UBE3D: variants seen among roughly 807,000 people sequenced by gnomAD.
The protein encoded by UBE3D is E3 ubiquitin-protein ligase E3D.
A neutral mutation model predicts 49.6 loss-of-function variants in UBE3D; 48 were observed. The observed-to-expected ratio is 0.97, with a 90% CI of 0.77 to 1.23. The LOEUF is 1.23. UBE3D is among the 50% of genes most tolerant of loss of function. The pLI, the probability that UBE3D is intolerant of heterozygous loss-of-function variation, is 0.00. For synonymous variants in UBE3D, 189 were observed against 174.2 expected, an observed-to-expected ratio of 1.08 and a Z score of -0.67; for missense variants, 452 against 468.4, an observed-to-expected ratio of 0.96 and a Z score of 0.32.
chr6:83,013,070 A>G (rs1262464581), intron 8 of UBE3D, among the ~76,000 whole-genome samples: 1 of 152,166 alleles, frequency 6.6e-6, no homozygotes, highest in Admixed American at 6.5e-5. Context: ...CCACTTCCTC[A>G]TGTAACTTAC....
chr6:83,033,325 T>C (rs1319355793), intron 5 of UBE3D, among the ~76,000 whole-genome samples: 1 of 152,190 alleles, frequency 6.6e-6, no homozygotes, highest in Admixed American at 6.5e-5. Context: ...CATTTTATTA[T>C]TGTAAATTGG....
intron 8 of UBE3D, among the ~76,000 whole-genome samples, chr6:82,978,333 T>C (rs1777876497): frequency 6.6e-6 from 1 of 152,168 alleles, no homozygotes; most frequent in African/African-American, 2.4e-5. Context: ...TATTCTATTA[T>C]CATAATGTCA....
At chr6:83,004,737 A>G (rs550686799) in intron 8 of UBE3D, among the ~76,000 whole-genome samples, 3 of 152,350 alleles carry the variant, frequency 2.0e-5, no homozygotes, top group South Asian at 4.1e-4. Context: ...ACTATTAAAT[A>G]ATAGTCTTAG....
intron 5 of UBE3D, among the ~76,000 whole-genome samples, chr6:83,027,096 TG>T (rs1781514833): frequency 6.6e-6 from 1 of 152,032 alleles, no homozygotes; most frequent in African/African-American, 2.4e-5. Context: ...ATCTTCTATG[TG>T]GGATCATTTT....
chr6:83,065,309 G>A (rs1346267462), intron 1 of UBE3D, among the ~76,000 whole-genome samples: 1 of 152,162 alleles, frequency 6.6e-6, no homozygotes, highest in Non-Finnish European at 1.5e-5. Context: ...GCCGGGCACT[G>A]CCAACAGTGT....
intron 1 of UBE3D, among the ~76,000 whole-genome samples, chr6:83,059,689 G>A (rs1784042219): frequency 1.3e-5 from 2 of 152,132 alleles, no homozygotes; most frequent in Non-Finnish European, 2.9e-5. Flanking sequence ...AAGCATCATT[G>A]CAAGGGTGGT....
intron 8 of UBE3D, among the ~76,000 whole-genome samples, chr6:82,996,991 G>A (rs1779287696): frequency 6.6e-6 from 1 of 151,688 alleles, no homozygotes; most frequent in Non-Finnish European, 1.5e-5. Flanking sequence ...TGACAAAGAT[G>A]TCATGATAAT....
rs1780892631 is a variant in UBE3D at position 83,019,034 on chromosome 6, T to C, written c.949A>G (p.Ser317Gly). 1.2e-6 allele frequency: 2 copies of C among 1,613,952 alleles called. No individual in the cohort carries two copies. Among genetic ancestry groups the C allele is most frequent in the Non-Finnish European group, 1.7e-6 (2 of 1,179,906 alleles). ...LLENTFKADS[S>G]SAWSAVKVLY... ...ACCTTGACAGCACTCCAGGCAGAACTAGAATCGGCTTTGAATGTGTTTTCC... is the reference window on the plus strand; with the variant it reads ...ACCTTGACAGCACTCCAGGCAGAACCAGAATCGGCTTTGAATGTGTTTTCC... Residue 317 changes from serine (S) to glycine (G), a missense_variant, in exon 8 of 10, where the codon AGT becomes GGT. Transcript: ENST00000369747.
At chr6:82,907,680 C>T (rs1229719083) in intron 9 of UBE3D, among the ~76,000 whole-genome samples, 1 of 152,210 alleles carries the variant, frequency 6.6e-6, no homozygotes, top group East Asian at 1.9e-4. Flanking sequence ...AGATTGGCAT[C>T]ACCAAATGAT....
At chr6:83,014,287 T>G (rs970119671) in intron 8 of UBE3D, among the ~76,000 whole-genome samples, 1 of 152,190 alleles carries the variant, frequency 6.6e-6, no homozygotes, top group Non-Finnish European at 1.5e-5. Flanking sequence ...TGGCACTAAT[T>G]TCAGCAGTCC....
At chr6:83,060,567 C>A (rs1205384720) in intron 1 of UBE3D, among the ~76,000 whole-genome samples, 1 of 152,178 alleles carries the variant, frequency 6.6e-6, no homozygotes, top group African/African-American at 2.4e-5. Flanking sequence ...CGACATCCAA[C>A]AGTGATGAGT....
At chr6:82,908,203 A>G (rs1362370993) in intron 9 of UBE3D, among the ~76,000 whole-genome samples, 3 of 152,184 alleles carry the variant, frequency 2.0e-5, no homozygotes, top group Non-Finnish European at 4.4e-5. Flanking sequence ...ACTGCAAGAC[A>G]CCTGAAGGGA....
rs542129287 is a variant in UBE3D at position 82,978,965 on chromosome 6, G to A, written c.1011-21515C>T. On this transcript the variant is annotated intron_variant, in intron 8 of 9. Coordinates refer to ENST00000369747, the MANE Select transcript of UBE3D (RefSeq NM_198920.3). ...TATGCAGGAAAGTTCCAACAAAATT[G>A]GAAACTAAATCAGTTGGAATAACAT... Among the ~76,000 whole-genome samples, 5 of 152,112 alleles carry A rather than the reference G, an allele frequency of 3.3e-5. No individual in the cohort carries two copies. The East Asian group carries it at 9.7e-4, about 29-fold the overall frequency.
At chr6:82,900,534 T>G (rs1771655579) in intron 9 of UBE3D, among the ~76,000 whole-genome samples, 1 of 152,238 alleles carries the variant, frequency 6.6e-6, no homozygotes, top group Non-Finnish European at 1.5e-5. Context: ...CTATAAATAT[T>G]AATTCTTTTA....
intron 9 of UBE3D, among the ~76,000 whole-genome samples, chr6:82,911,134 T>C (rs777811874): frequency 7.9e-5 from 10 of 126,524 alleles, no homozygotes; most frequent in African/African-American, 1.9e-4. Flanking sequence ...CATAATGTCA[T>C]AGAAGGATGG....
At chr6:83,015,845 G>C (rs1780661362) in intron 8 of UBE3D, among the ~76,000 whole-genome samples, 1 of 152,218 alleles carries the variant, frequency 6.6e-6, no homozygotes, top group Non-Finnish European at 1.5e-5. Flanking sequence ...TGGAAAGGTT[G>C]ATGACAGCAT....
At chr6:82,913,053 C>G (rs1772641131) in intron 9 of UBE3D, among the ~76,000 whole-genome samples, 2 of 152,156 alleles carry the variant, frequency 1.3e-5, no homozygotes, top group Non-Finnish European at 2.9e-5. Flanking sequence ...AGCCCAGTGG[C>G]TATGCAATCC....
chr6:82,888,819 A>T (rs890504313), downstream of UBE3D, among the ~76,000 whole-genome samples: 2 of 131,856 alleles, frequency 1.5e-5, no homozygotes, highest in African/African-American at 6.7e-5. Context: ...GTTTTGAACA[A>T]TTATGTTTGT....
At chr6:83,027,453 A>AAAAAAAAAAAAAAAAAAAAAAAAAAAAAC (rs1781556390) in intron 5 of UBE3D, among the ~76,000 whole-genome samples, 1 of 147,672 alleles carries the variant, frequency 6.8e-6, no homozygotes, top group Admixed American at 6.7e-5. Context: ...AAAAAAAAAA[A>AAAAAAAAAAAAAAAAAAAAAAAAAAAAAC]AAAAAAAAGA....
Sources: allele counts gnomAD v4.1 joint callset (sites outside exome capture counted in the v4.1 genomes callset), GRCh38; gene constraint gnomAD v4.1.1; transcripts MANE v1.5; gene names NCBI Gene and HGNC (gene_info 2026-07-23, HGNC 2026-07-21).